RIMS2: variants seen among roughly 807,000 people sequenced by gnomAD.
The protein encoded by RIMS2 is regulating synaptic membrane exocytosis 2.
In RIMS2, 59 loss-of-function variants were observed where a neutral mutation model predicts 174.4. That is an observed-to-expected ratio of 0.34 (90% CI 0.27 to 0.42). The LOEUF is 0.42. Ranked by LOEUF, RIMS2 falls within the 10% of genes least tolerant of loss-of-function variation. RIMS2 has a pLI of 1.00. For synonymous variants in RIMS2, 606 were observed against 572.5 expected, an observed-to-expected ratio of 1.06 and a Z score of -0.84; for missense variants, 1,620 against 1,666.3, an observed-to-expected ratio of 0.97 and a Z score of 0.48.
intron 2 of RIMS2, among the ~76,000 whole-genome samples, chr8:103,718,986 TCCCCA>T (rs1564397083): frequency 1.3e-5 from 2 of 152,032 alleles, no homozygotes; most frequent in Non-Finnish European, 2.9e-5. Context: ...CCTCTTGCAA[TCCCCA>T]CTAGATAGAC....
chr8:103,624,577 A>G (rs2095732347), intron 1 of RIMS2, among the ~76,000 whole-genome samples: 1 of 152,244 alleles, frequency 6.6e-6, no homozygotes, highest in Admixed American at 6.5e-5. Context: ...TGTCACCGTG[A>G]AATTCTTGAG....
chr8:104,101,051 A>G (rs1268374346), intron 19 of RIMS2, among the ~76,000 whole-genome samples: 4 of 127,266 alleles, frequency 3.1e-5, no homozygotes, highest in Non-Finnish European at 6.7e-5. Context: ...ATTATATATT[A>G]CATATGTAAT....
chr8:103,867,838 G>A (rs931724850), intron 3 of RIMS2, among the ~76,000 whole-genome samples: 22 of 152,016 alleles, frequency 1.4e-4, no homozygotes, highest in Admixed American at 1.3e-4. Context: ...CACTGGGAAG[G>A]TCAGAGGTAC....
chr8:103,575,317 A>T (rs1005933244), intron 1 of RIMS2, among the ~76,000 whole-genome samples: 1 of 152,128 alleles, frequency 6.6e-6, no homozygotes, highest in Non-Finnish European at 1.5e-5. Flanking sequence ...AACAATTGCT[A>T]CTCTGATACA....
chr8:103,772,606 T>A (rs114339769), intron 3 of RIMS2, among the ~76,000 whole-genome samples: 2,213 of 152,212 alleles, frequency 0.015, 50 homozygotes, highest in African/African-American at 0.051. Flanking sequence ...GATTTATATA[T>A]ACAGATAGAT....
chr8:103,743,380 T>C (rs1780571968), intron 2 of RIMS2, among the ~76,000 whole-genome samples: 1 of 152,218 alleles, frequency 6.6e-6, no homozygotes, highest in Non-Finnish European at 1.5e-5. Context: ...AATTTGTTTA[T>C]CTGCAGTTTC....
chr8:104,027,840 C>T lies in RIMS2; in HGVS notation c.3334+13225C>T, dbSNP rs1391334755. Among the ~76,000 whole-genome samples the T allele has an allele frequency of 2.6e-5, 4 of 152,100 alleles. No homozygotes were observed. In the East Asian group the frequency reaches 7.7e-4, roughly 29 times the overall value. On this transcript the variant is annotated intron_variant, in intron 19 of 23. Coordinates refer to ENST00000504942, the Ensembl canonical transcript of RIMS2. ...GTATAAACCACCTAATAGAAGGTCC[C>T]ATCTGTGTTTTGTAGGGTCAAATGT...
At chr8:104,235,773 G>T (rs2099255061) in intron 19 of RIMS2, among the ~76,000 whole-genome samples, 1 of 151,872 alleles carries the variant, frequency 6.6e-6, no homozygotes. Context: ...AGTACTTTTA[G>T]CATACATCTC....
At chr8:103,919,985 C>T (rs1015472273) in intron 9 of RIMS2, among the ~76,000 whole-genome samples, 3 of 152,114 alleles carry the variant, frequency 2.0e-5, no homozygotes, top group African/African-American at 7.2e-5. Context: ...TTAATTTTTA[C>T]AACAATCCTA....
At chr8:104,111,002 A>G (rs1490509271) in intron 19 of RIMS2, among the ~76,000 whole-genome samples, 2 of 152,172 alleles carry the variant, frequency 1.3e-5, no homozygotes, top group East Asian at 3.8e-4. Context: ...TCAGTAAAAT[A>G]AATATTTTTA....
chr8:104,030,226 C>A (rs1046029419), intron 19 of RIMS2, among the ~76,000 whole-genome samples: 2 of 152,070 alleles, frequency 1.3e-5, no homozygotes, highest in Non-Finnish European at 2.9e-5. Context: ...GTGGCTCATG[C>A]CATAATCCCA....
At position 104,020,839 on chromosome 8, in the gene RIMS2, T is replaced by C. The variant is rs183821932; in HGVS notation, c.3334+6224T>C. 1.0e-3 allele frequency among the ~76,000 whole-genome samples: 155 copies of C among 152,122 alleles called. 1 individual carries two copies. The East Asian group carries it at 0.021, about 21-fold the overall frequency. ...TCTATACACATGAATTAATATTGCCTGGAAAGTAAAAAGATGATTGATTTT... is the reference window on the plus strand; with the variant it reads ...TCTATACACATGAATTAATATTGCCCGGAAAGTAAAAAGATGATTGATTTT... On this transcript the variant is annotated intron_variant, in intron 19 of 23. Transcript: ENST00000504942.
At chr8:103,998,569 G>T (rs2095245938) in intron 17 of RIMS2, among the ~76,000 whole-genome samples, 1 of 151,582 alleles carries the variant, frequency 6.6e-6, no homozygotes, top group Admixed American at 6.6e-5. Flanking sequence ...ATTAACTCCA[G>T]TTGACTACTC....
chr8:104,084,696 T>C (rs939162423), intron 19 of RIMS2, among the ~76,000 whole-genome samples: 4 of 152,164 alleles, frequency 2.6e-5, no homozygotes, highest in Admixed American at 2.6e-4. Flanking sequence ...GAATATTTAG[T>C]ATCATAATGT....
chr8:103,787,793 A>T (rs1040861292), intron 3 of RIMS2, among the ~76,000 whole-genome samples: 6 of 150,944 alleles, frequency 4.0e-5, no homozygotes, highest in Non-Finnish European at 8.9e-5. Context: ...CGTTCTCTGT[A>T]TTTCCTGAAT....
At chr8:104,220,684 A>T (rs1026495523) in intron 19 of RIMS2, among the ~76,000 whole-genome samples, 2 of 152,088 alleles carry the variant, frequency 1.3e-5, no homozygotes, top group African/African-American at 4.8e-5. Context: ...TACAGCCTCA[A>T]CCTTGCAGGC....
At chr8:103,608,353 A>C in intron 1 of RIMS2, among the ~76,000 whole-genome samples, 1 of 143,644 alleles carries the variant, frequency 7.0e-6, no homozygotes, top group East Asian at 1.9e-4. Flanking sequence ...GCCCGTTCTC[A>C]GATCTCCAGC....
intron 14 of RIMS2, among the ~76,000 whole-genome samples, chr8:103,958,502 G>A (rs757679026): frequency 6.6e-6 from 1 of 151,846 alleles, no homozygotes; most frequent in Non-Finnish European, 1.5e-5. Flanking sequence ...ACAAACTCTC[G>A]GGACACGAGT....
chr8:103,572,146 G>A (rs935648875), intron 1 of RIMS2, among the ~76,000 whole-genome samples: 4 of 152,018 alleles, frequency 2.6e-5, no homozygotes, highest in Admixed American at 2.0e-4. Flanking sequence ...TCATGGTCTC[G>A]CTTGACTTCA....
Sources: allele counts gnomAD v4.1 joint callset (sites outside exome capture counted in the v4.1 genomes callset), GRCh38; gene constraint gnomAD v4.1.1; transcripts MANE v1.5; gene names NCBI Gene and HGNC (gene_info 2026-07-23, HGNC 2026-07-21).